Variants in OGT observed in about 807,000 individuals in gnomAD.
OGT encodes the protein UDP-N-acetylglucosamine--peptide N-acetylglucosaminyltransferase 110 kDa subunit.
Under a neutral mutation model 75.8 loss-of-function variants are expected in OGT, and 3 were observed. The observed-to-expected ratio is 0.04, with a 90% CI of 0.02 to 0.10. The LOEUF (loss-of-function observed/expected upper bound fraction) is 0.10. OGT is among the 10% of genes least tolerant of loss of function. The pLI is 1.00. For synonymous variants in OGT, 257 were observed against 289.7 expected, an observed-to-expected ratio of 0.89 and a Z score of 1.15; for missense variants, 260 against 824.4, an observed-to-expected ratio of 0.32 and a Z score of 8.38.
intron 19 of OGT, among the ~76,000 whole-genome samples, chrX:71,565,751 C>T (rs945612992): frequency 5.3e-5 from 6 of 112,283 alleles, no homozygotes; most frequent in East Asian, 5.5e-4. Context: ...CGTTGTAGCA[C>T]GAAAATAACC....
Position 71,573,889 on chromosome X carries a change from T to G in OGT, c.*95T>G. ...ACATACTTCTTACTTGTCTGTACAG[T>G]ACCTTGTTGCAGATGGGTGATATAT... On this transcript the variant is annotated 3_prime_UTR_variant, in exon 22 of 22. Coordinates refer to ENST00000373719, the MANE Select transcript of OGT (RefSeq NM_181672.3). The G allele has an allele frequency of 1.3e-4, 76 of 600,180 alleles. No homozygotes were observed. The highest frequency in any genetic ancestry group is 1.7e-4 in the Non-Finnish European group (71 of 411,082). 49.5% of individuals were successfully genotyped at this position (600,180 alleles called of 1,213,427 possible).
At chrX:71,543,593 A>G (rs1276670968) in intron 3 of OGT, among the ~76,000 whole-genome samples, 1 of 110,055 alleles carries the variant, frequency 9.1e-6, no homozygotes, top group South Asian at 3.9e-4. Context: ...GTTTCTAAAT[A>G]TGCCTGACAG....
chrX:71,547,672 G>A (rs1048032932), intron 4 of OGT: 20 of 1,038,506 alleles, frequency 1.9e-5, no homozygotes, highest in East Asian at 3.9e-5. Context: ...ACTGAACATG[G>A]TGGTTTGCAC....
At chrX:71,544,085 C>T (rs2040243596) in intron 3 of OGT, among the ~76,000 whole-genome samples, 1 of 110,417 alleles carries the variant, frequency 9.1e-6, no homozygotes. Flanking sequence ...CACGCCCGGC[C>T]TGATATATAT....
At chrX:71,537,730 G>A (rs2040189082) in intron 2 of OGT, 99 bp from the exon 3 acceptor site, 5 of 982,755 alleles carry the variant, frequency 5.1e-6, no homozygotes, top group Non-Finnish European at 5.6e-6. Flanking sequence ...TATATAATGA[G>A]CAATAGCACA....
intron 3 of OGT, among the ~76,000 whole-genome samples, chrX:71,542,327 A>C (rs1403297818): frequency 8.9e-6 from 1 of 112,137 alleles, no homozygotes; most frequent in Non-Finnish European, 1.9e-5. Context: ...GTTCATGCAC[A>C]TAGGTTTGGA....
In OGT at chrX:71,556,995, A is replaced by G; in HGVS notation, c.1210A>G (p.Thr404Ala). The G allele has an allele frequency of 8.3e-7, 1 of 1,209,262 alleles. No individual in the cohort carries two copies. Among genetic ancestry groups the G allele is most frequent in the Non-Finnish European group, 1.1e-6 (1 of 893,675 alleles). ...FADAYSNMGNTLKEMQDVQGA... is the reference protein window; with the variant it reads ...FADAYSNMGNALKEMQDVQGA... ...TGATGCCTACTCTAATATGGGAAAC[A>G]CTCTAAAGGAGATGCAGGATGTTCA... The change falls in exon 10 of 22, where the codon ACT becomes GCT. Residue 404 changes from threonine (T) to alanine (A), a missense_variant. This residue lies in a region of OGT where 99 missense variants were observed against 417.9 expected (regional missense o/e 0.24). Coordinates refer to ENST00000373719, the MANE Select transcript of OGT (RefSeq NM_181672.3).
At chrX:71,561,930 CAT>C (rs775101566) in intron 15 of OGT, 30 bp downstream of exon 15, 106 of 1,156,491 alleles carry the variant, frequency 9.2e-5, no homozygotes, top group Non-Finnish European at 1.1e-4. Context: ...TCACTTATAA[CAT>C]GTATTTGGCT....
Position 71,574,153 on chromosome X carries a change from T to C in OGT, c.*359T>C, listed in dbSNP as rs2040477605. 1 of 122,657 alleles carries C rather than the reference T, an allele frequency of 8.2e-6. No individual in the cohort carries two copies. The highest frequency in any genetic ancestry group is 1.7e-5 in the Non-Finnish European group (1 of 60,555). 10.1% of individuals were successfully genotyped at this position (122,657 alleles called of 1,213,427 possible). ...ATTGATTCAGTCTTCTGGATTTTTT[T>C]TTCTTTATATTTTGGGTACTGGAGC... On this transcript the variant is annotated 3_prime_UTR_variant, in exon 22 of 22. Coordinates refer to ENST00000373719, the MANE Select transcript of OGT (RefSeq NM_181672.3).
At chrX:71,552,387 AT>A (rs757206451) in intron 5 of OGT, among the ~76,000 whole-genome samples, 195 of 91,899 alleles carry the variant, frequency 2.1e-3, no homozygotes, top group Middle Eastern at 5.5e-3. Flanking sequence ...CACTGAATGG[AT>A]TTTTTTTTTT....
At chrX:71,552,428 G>A (rs1286650600) in intron 5 of OGT, among the ~76,000 whole-genome samples, 2 of 95,848 alleles carry the variant, frequency 2.1e-5, no homozygotes, top group Non-Finnish European at 4.1e-5. Flanking sequence ...TCACTTGATC[G>A]CCCAGGCTGA....
At chrX:71,557,390 AT>A (rs2040350064) in intron 11 of OGT, 94 bp downstream of exon 11, 3 of 1,059,815 alleles carry the variant, frequency 2.8e-6, no homozygotes, top group African/African-American at 1.9e-5. Context: ...TGGAAATAGT[AT>A]TTTTAATAGG....
At chrX:71,567,050 G>T (rs2040421265) in intron 19 of OGT, among the ~76,000 whole-genome samples, 1 of 112,579 alleles carries the variant, frequency 8.9e-6, no homozygotes, top group Non-Finnish European at 1.9e-5. Context: ...AGCTACAGCA[G>T]AAGAACTGAG....
intron 14 of OGT, among the ~76,000 whole-genome samples, chrX:71,560,871 T>C (rs778159675): frequency 1.4e-4 from 15 of 111,095 alleles, no homozygotes; most frequent in Non-Finnish European, 2.8e-4. Context: ...ACTTTGTCAA[T>C]ACTTTAACTC....
At position 71,550,868 on chromosome X, in the gene OGT, C is replaced by T. The variant is rs767375641; in HGVS notation, c.648+2845C>T. ...TCTAAAAAAGTTGATTTCATAGAAA[C>T]AGAGAGTAGAAGGGTGGTGAGGCTT... On this transcript the variant is annotated intron_variant, in intron 5 of 21. Coordinates refer to ENST00000373719, the MANE Select transcript of OGT (RefSeq NM_181672.3). Among the ~76,000 whole-genome samples the T allele has an allele frequency of 2.8e-5, 3 of 105,974 alleles. No individual in the cohort carries two copies. In the South Asian group the frequency reaches 1.2e-3, roughly 44 times the overall value. The allele number at this position is 105,974 out of a possible 115,157, so 92.0% of individuals were successfully genotyped here.
At chrX:71,550,417 T>A (rs1368965116) in intron 5 of OGT, among the ~76,000 whole-genome samples, 1 of 111,415 alleles carries the variant, frequency 9.0e-6, no homozygotes, top group Non-Finnish European at 1.9e-5. Flanking sequence ...GAGGTCCTGC[T>A]CTGTTGCCCA....
chrX:71,569,569 C>A (rs1254237315), intron 21 of OGT, among the ~76,000 whole-genome samples: 1 of 110,294 alleles, frequency 9.1e-6, no homozygotes, highest in Admixed American at 9.7e-5. Flanking sequence ...TGGCTCACTG[C>A]AGCCTCCACG....
At chrX:71,536,676 G>T in intron 2 of OGT, 1 of 183,300 alleles carries the variant, frequency 5.5e-6, no homozygotes, top group South Asian at 1.6e-4. Context: ...CCTTTCATGA[G>T]ACCTGTCAGT....
chrX:71,549,631 CA>C (rs2040288152), intron 5 of OGT, among the ~76,000 whole-genome samples: 2 of 110,780 alleles, frequency 1.8e-5, no homozygotes, highest in South Asian at 7.5e-4. Flanking sequence ...ACAAAAAATA[CA>C]AAAAGTAGCT....
Sources: gnomAD v4.1 joint callset for allele counts (sites outside exome capture counted in the v4.1 genomes callset) on GRCh38, gnomAD v4.1.1 for gene constraint, gnomAD v4.1.1 regional missense constraint, MANE v1.5 for transcripts, NCBI Gene and HGNC (gene_info 2026-07-23, HGNC 2026-07-21) for gene names.